The following FOCAD variants were observed in gnomAD, a reference collection of about 807,000 sequenced individuals.
The protein encoded by FOCAD is focadhesin.
FOCAD carries 198 observed loss-of-function variants against 225.6 expected under a neutral mutation model. That is an observed-to-expected ratio of 0.88 (90% CI 0.78 to 0.99). The LOEUF (loss-of-function observed/expected upper bound fraction) is 0.99. Ranked by LOEUF, FOCAD falls within the 50% of genes least tolerant of loss-of-function variation. The probability of loss-of-function intolerance (pLI) is 0.00; values close to 1 mark genes in which losing one functional copy is unlikely to be tolerated. For synonymous variants in FOCAD, 897 were observed against 755.0 expected, an observed-to-expected ratio of 1.19 and a Z score of -3.08; for missense variants, 2,713 against 2,123.6, an observed-to-expected ratio of 1.28 and a Z score of -5.46.
At chr9:20,807,732 A>G (rs908366043) in intron 11 of FOCAD, among the ~76,000 whole-genome samples, 3 of 152,128 alleles carry the variant, frequency 2.0e-5, no homozygotes, top group African/African-American at 7.2e-5. Flanking sequence ...TCACTTTTTC[A>G]ATATAAATGT....
intron 6 of FOCAD, among the ~76,000 whole-genome samples, chr9:20,763,887 G>T (rs1333025085): frequency 6.6e-6 from 1 of 152,132 alleles, no homozygotes; most frequent in Admixed American, 6.5e-5. Context: ...GGAGTTTTCA[G>T]GATATAGTGA....
chr9:20,943,578 T>A (rs2132313213), intron 28 of FOCAD, among the ~76,000 whole-genome samples: 1 of 152,300 alleles, frequency 6.6e-6, no homozygotes, highest in Admixed American at 6.5e-5. Flanking sequence ...ATTTGCACGT[T>A]GGGGGAAGTA....
At chr9:20,687,385 A>C (rs1367519561) in intron 1 of FOCAD, among the ~76,000 whole-genome samples, 1 of 152,204 alleles carries the variant, frequency 6.6e-6, no homozygotes, top group Non-Finnish European at 1.5e-5. Context: ...GAACAAATGT[A>C]ATACAGTAAT....
chr9:20,811,834 G>A (rs1823108459), intron 11 of FOCAD, among the ~76,000 whole-genome samples: 1 of 151,940 alleles, frequency 6.6e-6, no homozygotes, highest in Admixed American at 6.6e-5. Context: ...GTCATTTTTT[G>A]TAGAATGAAT....
chr9:20,821,605 TTAATAAACA>T (rs1824331066), intron 14 of FOCAD, among the ~76,000 whole-genome samples: 1 of 152,038 alleles, frequency 6.6e-6, no homozygotes, highest in Non-Finnish European at 1.5e-5. Flanking sequence ...AGATTATGGA[TTAATAAACA>T]GGGTGGAGGT....
At chr9:20,879,063 T>C (rs1830462902) in intron 19 of FOCAD, among the ~76,000 whole-genome samples, 1 of 152,040 alleles carries the variant, frequency 6.6e-6, no homozygotes, top group African/African-American at 2.4e-5. Context: ...CACATACTAA[T>C]CTCCTCTGGA....
Position 20,865,989 on chromosome 9 carries a change from G to C in FOCAD, c.2106+13G>C. 3.8e-6 allele frequency: 6 copies of C among 1,597,748 alleles called. No individual in the cohort carries two copies. Among genetic ancestry groups the C allele is most frequent in the Non-Finnish European group, 4.3e-6 (5 of 1,171,328 alleles). On this transcript the variant is annotated intron_variant, in intron 17 of 43. Transcript: ENST00000338382. ...TACTCAAAACAAGGTACTATCACAA[G>C]GCTTGTCAGTGAATCAGAACAAAGC...
intron 42 of FOCAD, among the ~76,000 whole-genome samples, chr9:20,991,468 T>C (rs1234416776): frequency 6.6e-6 from 1 of 152,228 alleles, no homozygotes; most frequent in Non-Finnish European, 1.5e-5. Context: ...TTCTTAAACC[T>C]GATAAGCATT....
chr9:20,876,520 T>G (rs1040468997), intron 19 of FOCAD, among the ~76,000 whole-genome samples: 1 of 152,178 alleles, frequency 6.6e-6, no homozygotes, highest in Admixed American at 6.5e-5. Context: ...CTGGATCTTC[T>G]ACATTGTTTG....
chr9:20,833,644 T>G (rs773176137), intron 15 of FOCAD, among the ~76,000 whole-genome samples: 1 of 152,058 alleles, frequency 6.6e-6, no homozygotes, highest in Non-Finnish European at 1.5e-5. Flanking sequence ...CAAGTAGTCC[T>G]TCGAAGTGTG....
chr9:20,657,593 T>A (rs1364917943), upstream of FOCAD, among the ~76,000 whole-genome samples: 1 of 47,392 alleles, frequency 2.1e-5, no homozygotes, highest in Non-Finnish European at 3.9e-5. Flanking sequence ...TTCTGCATTC[T>A]TCACGTAGTT....
At chr9:20,874,602 C>A in intron 18 of FOCAD, 79 bp from the exon 19 acceptor site, 1 of 1,492,002 alleles carries the variant, frequency 6.7e-7, no homozygotes, top group Non-Finnish European at 9.0e-7. Flanking sequence ...AAAATCTTGT[C>A]ACAAAAAAGG....
intron 11 of FOCAD, among the ~76,000 whole-genome samples, chr9:20,811,424 A>G (rs748175153): frequency 1.3e-5 from 2 of 152,106 alleles, no homozygotes; most frequent in African/African-American, 4.8e-5. Context: ...TACAGATCAG[A>G]TGCTCAAGCT....
intron 18 of FOCAD, among the ~76,000 whole-genome samples, chr9:20,867,654 A>G (rs894953892): frequency 4.6e-5 from 7 of 152,058 alleles, no homozygotes; most frequent in African/African-American, 1.4e-4. Context: ...AGTAGATCCT[A>G]TTAAGGGGTT....
chr9:20,742,150 C>T (rs1311541123), intron 5 of FOCAD, among the ~76,000 whole-genome samples: 1 of 152,130 alleles, frequency 6.6e-6, no homozygotes, highest in Admixed American at 6.6e-5. Context: ...ATTTTTAGTT[C>T]AATGCTTCCC....
intron 7 of FOCAD, among the ~76,000 whole-genome samples, chr9:20,767,553 A>G (rs1830159464): frequency 6.6e-6 from 1 of 151,346 alleles, no homozygotes; most frequent in South Asian, 2.1e-4. Context: ...TGTGGTTTTG[A>G]TTTGCATTTC....
chr9:20,701,760 T>C (rs1823972417), intron 1 of FOCAD, among the ~76,000 whole-genome samples: 1 of 152,242 alleles, frequency 6.6e-6, no homozygotes, highest in Non-Finnish European at 1.5e-5. Flanking sequence ...TGTTTTGTGC[T>C]CTGGGCAAGG....
chr9:20,779,495 C>G (rs778968599), intron 9 of FOCAD, among the ~76,000 whole-genome samples: 7 of 152,064 alleles, frequency 4.6e-5, no homozygotes, highest in Non-Finnish European at 8.8e-5. Context: ...GCTTGTAATC[C>G]CAACGCTTTG....
chr9:20,711,950 G>C (rs1032517962), intron 1 of FOCAD, among the ~76,000 whole-genome samples: 7 of 152,176 alleles, frequency 4.6e-5, no homozygotes, highest in African/African-American at 1.4e-4. Flanking sequence ...TTCCCAGTGT[G>C]TATCCCAGGA....
Sources: gnomAD v4.1 joint callset for allele counts (sites outside exome capture counted in the v4.1 genomes callset) on GRCh38, gnomAD v4.1.1 for gene constraint, MANE v1.5 for transcripts, NCBI Gene and HGNC (gene_info 2026-07-23, HGNC 2026-07-21) for gene names.